MDGA1: variants seen among roughly 807,000 people sequenced by gnomAD.
MDGA1 encodes MAM domain-containing glycosylphosphatidylinositol anchor protein 1.
In MDGA1, 54 loss-of-function variants were observed where a neutral mutation model predicts 101.5. The observed-to-expected ratio is 0.53, with a 90% CI of 0.43 to 0.67. MDGA1 has a LOEUF of 0.67. Ranked by LOEUF, MDGA1 falls within the 30% of genes least tolerant of loss-of-function variation. The probability of loss-of-function intolerance (pLI) is 0.00; values close to 1 mark genes in which losing one functional copy is unlikely to be tolerated. For missense variants in MDGA1, 1,083 were observed against 1,323.8 expected, an observed-to-expected ratio of 0.82 and a Z score of 2.82; for synonymous variants, 533 against 558.3, an observed-to-expected ratio of 0.95 and a Z score of 0.64.
intron 1 of MDGA1, among the ~76,000 whole-genome samples, chr6:37,681,817 C>G (rs1738288833): frequency 6.6e-6 from 1 of 152,072 alleles, no homozygotes; most frequent in African/African-American, 2.4e-5. Flanking sequence ...TGAAGCCCAC[C>G]CTCACCCCAG....
intron 7 of MDGA1, 39 bp downstream of exon 7, chr6:37,651,972 C>A (rs1026328802): frequency 1.4e-6 from 2 of 1,481,272 alleles, no homozygotes; most frequent in Admixed American, 2.1e-5. Flanking sequence ...GGCCTCTCCA[C>A]CCCCCTCACA....
chr6:37,662,577 A>G (rs1761650014), intron 2 of MDGA1, among the ~76,000 whole-genome samples: 1 of 151,208 alleles, frequency 6.6e-6, no homozygotes. Context: ...TCAAGGCTAC[A>G]GTAAGCTGTG....
intron 2 of MDGA1, among the ~76,000 whole-genome samples, chr6:37,660,452 C>T (rs1387105036): frequency 6.6e-6 from 1 of 152,144 alleles, no homozygotes; most frequent in African/African-American, 2.4e-5. Flanking sequence ...TTTGTCTTCC[C>T]TGGACTCCAT....
rs1184557255 is a variant in MDGA1, at chr6:37,652,395, CATGTCCCACCCCAACCCA to C, written c.983-73_983-56del. 7.1e-7 allele frequency: 1 copy of C among 1,407,234 alleles called. No individual in the cohort carries two copies. The highest frequency in any genetic ancestry group is 1.3e-5 in the South Asian group (1 of 74,730). 87.2% of individuals were successfully genotyped at this position (1,407,234 alleles called of 1,614,324 possible). ...TGGGGTTGGCCTGACTCCAGGGGTCCATGTCCCACCCCAACCCAGACCCAGCTTCTCCCCTCTAGCTGG... is the reference window on the plus strand; with the variant it reads ...TGGGGTTGGCCTGACTCCAGGGGTCCGACCCAGCTTCTCCCCTCTAGCTGG... On this transcript the variant is annotated intron_variant, in intron 6 of 16. Transcript: ENST00000434837. This position sits in a 1 kb window ranked among gnomAD's most constrained non-coding sequence, Gnocchi z 4.3.
intron 1 of MDGA1, among the ~76,000 whole-genome samples, chr6:37,682,224 C>T (rs915067506): frequency 6.6e-6 from 1 of 152,342 alleles, no homozygotes; most frequent in East Asian, 1.9e-4. Context: ...GTGGCTTATG[C>T]CTGTAATCCC....
At chr6:37,661,755 T>C (rs372197532) in intron 2 of MDGA1, among the ~76,000 whole-genome samples, 15 of 152,204 alleles carry the variant, frequency 9.9e-5, no homozygotes, top group African/African-American at 3.4e-4. Flanking sequence ...CCCTAGGAGC[T>C]TGAATGAATC....
At position 37,696,851 on chromosome 6, in the gene MDGA1, C is replaced by T; in HGVS notation, c.-40G>A. On this transcript the variant is annotated 5_prime_UTR_variant, in exon 1 of 17. Transcript: ENST00000434837. The surrounding 1 kb of genome is among the most constrained non-coding windows in gnomAD (Gnocchi z 5.6). ...CTTCATCCCCGCGAGGCGGCGCAGC[C>T]CGAGAGGCGGCGGGGGGCGCATTCG... 2.6e-6 allele frequency: 4 copies of T among 1,539,536 alleles called. No individual in the cohort carries two copies. The highest frequency in any genetic ancestry group is 3.5e-6 in the Non-Finnish European group (4 of 1,136,448).
At chr6:37,651,944 C>A in intron 7 of MDGA1, 67 bp downstream of exon 7, 1 of 1,360,632 alleles carries the variant, frequency 7.3e-7, no homozygotes, top group South Asian at 1.5e-5. Context: ...GTTGCCTCCC[C>A]ACTACCTCCT....
At chr6:37,658,455 ACTC>A in intron 2 of MDGA1, 36 bp from the exon 3 acceptor site, 1 of 1,574,336 alleles carries the variant, frequency 6.4e-7, no homozygotes. Context: ...AGACTGTCAG[ACTC>A]ACACGGGGTG....
Position 37,638,414 on chromosome 6 carries a change from T to C in MDGA1, c.2668-101A>G. On this transcript the variant is annotated intron_variant, in intron 15 of 16. Transcript: ENST00000434837. The surrounding 1 kb of genome is among the most constrained non-coding windows in gnomAD (Gnocchi z 4.8). ...CCTTTCCCCTTAATCTACCTGGAAG[T>C]TCCCCCTAACCTGACTCTTTCCATC... 1.3e-6 allele frequency: 2 copies of C among 1,522,724 alleles called. No homozygotes were observed. Among genetic ancestry groups the C allele is most frequent in the South Asian group, 1.2e-5 (1 of 83,220 alleles). 94.3% of individuals were successfully genotyped at this position (1,522,724 alleles called of 1,614,324 possible).
intron 3 of MDGA1, among the ~76,000 whole-genome samples, chr6:37,656,997 CA>C (rs911221432): frequency 3.3e-5 from 5 of 152,048 alleles, no homozygotes; most frequent in East Asian, 1.9e-4. Flanking sequence ...GATTGCCTCC[CA>C]GGGGGGAATT....
Position 37,638,261 on chromosome 6 carries a change from T to C in MDGA1, c.2720A>G (p.Asp907Gly). 2 of 1,613,614 alleles carry C rather than the reference T, an allele frequency of 1.2e-6. No individual in the cohort carries two copies. The highest frequency in any genetic ancestry group is 1.7e-6 in the Non-Finnish European group (2 of 1,179,750). ...GPGYLGDIAI[D>G]DVTLKKGECP... ...CTCCCCCTTCTTCAGTGTGACGTCA[T>C]CTATGGCAATATCCCCCAGGTAGCC... The change falls in exon 16 of 17, where the codon GAT becomes GGT. Residue 907 changes from aspartate to glycine, a missense_variant. Asp to Gly is a moderately conservative substitution (Grantham distance 94, BLOSUM62 -1). Transcript: ENST00000434837. The surrounding 1 kb of genome is among the most constrained non-coding windows in gnomAD (Gnocchi z 4.8).
chr6:37,679,445 G>A (rs749018480), intron 1 of MDGA1, among the ~76,000 whole-genome samples: 1 of 152,160 alleles, frequency 6.6e-6, no homozygotes, highest in African/African-American at 2.4e-5. Flanking sequence ...TCCAAGCCCT[G>A]TACAGTAGCT....
Position 37,654,950 on chromosome 6 carries a change from A to T in MDGA1, c.580-18T>A. ...GTCTCCCCCTGGGCAGCAGTGGACC[A>T]CTGGGGTGAGGTGCCTGCTTGAGTC... is the stretch of plus-strand genomic sequence containing the variant. On this transcript the variant is annotated intron_variant, in intron 4 of 16. Coordinates refer to ENST00000434837, the MANE Select transcript of MDGA1 (RefSeq NM_153487.4). 1 of 1,612,154 alleles carries T rather than the reference A, an allele frequency of 6.2e-7. No homozygotes were observed. The highest frequency in any genetic ancestry group is 1.8e-4 in the Middle Eastern group (1 of 5,652).
chr6:37,669,068 G>A (rs370351739), intron 1 of MDGA1, among the ~76,000 whole-genome samples: 2 of 152,170 alleles, frequency 1.3e-5, no homozygotes, highest in East Asian at 1.9e-4. Flanking sequence ...GGCTGGTCTC[G>A]AACTCCTGAC....
At chr6:37,690,517 G>A (rs993076156) in intron 1 of MDGA1, among the ~76,000 whole-genome samples, 33 of 152,096 alleles carry the variant, frequency 2.2e-4, no homozygotes, top group East Asian at 3.9e-4. Context: ...AGTGGCTCAC[G>A]CCTGTAATCC....
At chr6:37,657,042 G>C (rs1761505358) in intron 3 of MDGA1, among the ~76,000 whole-genome samples, 1 of 152,140 alleles carries the variant, frequency 6.6e-6, no homozygotes, top group Non-Finnish European at 1.5e-5. Flanking sequence ...GAACTTTCTA[G>C]AGTCCTGGAA....
intron 1 of MDGA1, among the ~76,000 whole-genome samples, chr6:37,664,628 C>CACACACACACACAT: frequency 6.6e-6 from 1 of 150,848 alleles, no homozygotes; most frequent in South Asian, 2.1e-4. Context: ...CACACACACA[C>CACACACACACACAT]ACACACAGAG....
chr6:37,655,059 C>G lies in MDGA1; in HGVS notation c.580-127G>C. 8.5e-7 allele frequency: 1 copy of G among 1,176,894 alleles called. No individual in the cohort carries two copies. Among genetic ancestry groups the G allele is most frequent in the Non-Finnish European group, 1.2e-6 (1 of 847,700 alleles). 72.9% of individuals were successfully genotyped at this position (1,176,894 alleles called of 1,614,324 possible). ...AATTCCTCTCTTTCCATCCCCAACC[C>G]CACCCTCACCATTTAGCCCCAGGGG... is the stretch of plus-strand genomic sequence containing the variant. On this transcript the variant is annotated intron_variant, in intron 4 of 16. Transcript: ENST00000434837. This position sits in a 1 kb window ranked among gnomAD's most constrained non-coding sequence, Gnocchi z 5.1.
Sources: gnomAD v4.1 joint callset for allele counts (sites outside exome capture counted in the v4.1 genomes callset) on GRCh38, gnomAD v4.1.1 for gene constraint, Gnocchi (gnomAD v3.1) non-coding constraint, MANE v1.5 for transcripts, NCBI Gene and HGNC (gene_info 2026-07-23, HGNC 2026-07-21) for gene names.